ZNF385D: variants seen among roughly 807,000 people sequenced by gnomAD.
The protein encoded by ZNF385D is zinc finger protein 659.
ZNF385D carries 15 observed loss-of-function variants against 35.8 expected under a neutral mutation model. The observed-to-expected ratio is 0.42, with a 90% CI of 0.28 to 0.64. ZNF385D has a LOEUF of 0.64. Among genes scored for constraint, ZNF385D ranks in the 30% least tolerant of loss-of-function variants. The pLI is 0.23. For synonymous variants in ZNF385D, 212 were observed against 186.8 expected (o/e 1.13, Z -1.10); for missense variants, 474 against 494.6 (o/e 0.96, Z 0.39).
At chr3:22,044,111 T>A (rs1698840618) in intron 3 of ZNF385D, among the ~76,000 whole-genome samples, 1 of 149,878 alleles carries the variant, frequency 6.7e-6, no homozygotes, top group Non-Finnish European at 1.5e-5. Flanking sequence ...TTTTTTTTAA[T>A]GTAATGGCCT....
chr3:21,928,346 G>A (rs1008490810), intron 3 of ZNF385D, among the ~76,000 whole-genome samples: 1 of 147,810 alleles, frequency 6.8e-6, no homozygotes, highest in African/African-American at 2.5e-5. Context: ...GAGGGAGGGA[G>A]GGACGAAGGA....
At chr3:21,736,420 T>C (rs1199641719) in intron 1 of ZNF385D, among the ~76,000 whole-genome samples, 1 of 152,234 alleles carries the variant, frequency 6.6e-6, no homozygotes, top group Non-Finnish European at 1.5e-5. Flanking sequence ...AAATGTGGAA[T>C]AATATAAATG....
chr3:22,033,947 C>A (rs75252426), intron 3 of ZNF385D, among the ~76,000 whole-genome samples: 7,270 of 152,224 alleles, frequency 0.048, 198 homozygotes, highest in Middle Eastern at 0.085. Flanking sequence ...GTGTGCTGAG[C>A]AACTACTTTC....
intron 1 of ZNF385D, among the ~76,000 whole-genome samples, chr3:21,668,560 T>G (rs186115495): frequency 1.1e-3 from 166 of 152,322 alleles, no homozygotes; most frequent in Non-Finnish European, 1.9e-3. Flanking sequence ...AATGAAAAAT[T>G]GCTTTATTCT....
At chr3:22,114,947 A>G (rs73822864) in intron 3 of ZNF385D, among the ~76,000 whole-genome samples, 28,105 of 151,968 alleles carry the variant, frequency 0.18, 2,951 homozygotes, top group East Asian at 0.42. Flanking sequence ...GGGCCTCAAC[A>G]GACACTAAAT....
intron 3 of ZNF385D, among the ~76,000 whole-genome samples, chr3:22,083,370 G>T (rs907370410): frequency 6.6e-6 from 1 of 152,166 alleles, no homozygotes; most frequent in Non-Finnish European, 1.5e-5. Context: ...AGAATAAACA[G>T]CATAGAGAAG....
intron 2 of ZNF385D, among the ~76,000 whole-genome samples, chr3:21,587,453 C>G (rs1459037578): frequency 6.6e-6 from 1 of 152,136 alleles, no homozygotes; most frequent in Non-Finnish European, 1.5e-5. Context: ...CAGGCTCATT[C>G]TTCTCATTTG....
At chr3:22,156,001 G>A (rs971953047) in intron 3 of ZNF385D, among the ~76,000 whole-genome samples, 1 of 152,042 alleles carries the variant, frequency 6.6e-6, no homozygotes, top group Admixed American at 6.6e-5. Context: ...AGAAAAATAT[G>A]AAAGACAGCT....
intron 3 of ZNF385D, among the ~76,000 whole-genome samples, chr3:21,837,625 A>T (rs1314519122): frequency 5.3e-5 from 8 of 151,990 alleles, no homozygotes; most frequent in African/African-American, 1.9e-4. Context: ...TGTAATCTTG[A>T]CACTTTGGGA....
intron 3 of ZNF385D, among the ~76,000 whole-genome samples, chr3:21,807,235 T>C (rs570140431): frequency 6.6e-6 from 1 of 152,354 alleles, no homozygotes; most frequent in Admixed American, 6.5e-5. Context: ...TTTGCATTTT[T>C]TATAAGCAAA....
intron 3 of ZNF385D, among the ~76,000 whole-genome samples, chr3:21,825,983 G>T (rs900764360): frequency 7.2e-5 from 11 of 152,278 alleles, no homozygotes; most frequent in African/African-American, 2.6e-4. Flanking sequence ...TGGGGCTAGA[G>T]AATCTAATGC....
At chr3:21,968,339 C>T (rs1488505647) in intron 3 of ZNF385D, among the ~76,000 whole-genome samples, 1 of 152,106 alleles carries the variant, frequency 6.6e-6, no homozygotes, top group Non-Finnish European at 1.5e-5. Context: ...GTCTAGGCCA[C>T]AAGGACTCCA....
At chr3:21,723,567 GA>G (rs1230740772) in intron 1 of ZNF385D, among the ~76,000 whole-genome samples, 2 of 152,046 alleles carry the variant, frequency 1.3e-5, no homozygotes, top group African/African-American at 4.8e-5. Flanking sequence ...ATTGAAGATC[GA>G]TTTAATGAAA....
intron 3 of ZNF385D, among the ~76,000 whole-genome samples, chr3:21,554,388 T>C (rs1284758836): frequency 2.0e-5 from 3 of 152,182 alleles, no homozygotes; most frequent in Admixed American, 6.5e-5. Flanking sequence ...GCTTAAAATA[T>C]TCAGTAAACC....
At chr3:21,551,392 T>G (rs2062563769) in intron 3 of ZNF385D, among the ~76,000 whole-genome samples, 1 of 152,242 alleles carries the variant, frequency 6.6e-6, no homozygotes, top group Non-Finnish European at 1.5e-5. Context: ...CAGGTGAAAT[T>G]AGGAGTATGT....
intron 2 of ZNF385D, among the ~76,000 whole-genome samples, chr3:21,577,826 T>C (rs567333968): frequency 5.2e-4 from 79 of 151,510 alleles, no homozygotes; most frequent in Admixed American, 9.9e-4. Context: ...TTTTTTTTTT[T>C]CGAGACAGGG....
intron 3 of ZNF385D, among the ~76,000 whole-genome samples, chr3:21,547,415 T>G (rs1350460230): frequency 1.3e-5 from 2 of 152,178 alleles, no homozygotes; most frequent in East Asian, 3.9e-4. Flanking sequence ...CCAGTTTGTC[T>G]GTTCTTGCCT....
rs78214173 is a variant in ZNF385D at position 22,081,551 on chromosome 3, C to A, written c.325+87266G>T. Among the ~76,000 whole-genome samples the A allele has an allele frequency of 4.6e-3, 707 of 152,296 alleles. 11 individuals carry two copies. The highest frequency in any genetic ancestry group is 0.016 in the African/African-American group (679 of 41,570). On this transcript the variant is annotated intron_variant, in intron 3 of 5. Transcript: ENST00000494108. ...CAGTTTCCTCTTCCTCATGAGCACA[C>A]AGGCAGCCTACACACTTCCAATAGA...
chr3:22,228,331 C>T (rs1242668229), intron 2 of ZNF385D, among the ~76,000 whole-genome samples: 1 of 152,134 alleles, frequency 6.6e-6, no homozygotes, highest in Non-Finnish European at 1.5e-5. Context: ...GGGACTGCCA[C>T]CCCTATCAGC....
Sources: allele counts gnomAD v4.1 joint callset (sites outside exome capture counted in the v4.1 genomes callset), GRCh38; gene constraint gnomAD v4.1.1; transcripts MANE v1.5; gene names NCBI Gene and HGNC (gene_info 2026-07-23, HGNC 2026-07-21).